The following CHST13 variants were observed in gnomAD, a reference collection of about 807,000 sequenced individuals.
CHST13 encodes C4ST-3.
Under a neutral mutation model 7.0 loss-of-function variants are expected in CHST13, and 1 was observed. The observed-to-expected ratio is 0.14, with a 90% CI of 0.05 to 0.68. CHST13 has a LOEUF of 0.68. Among genes scored for constraint, CHST13 ranks in the 30% least tolerant of loss-of-function variants. The probability of loss-of-function intolerance (pLI) is 0.82; values close to 1 mark genes in which losing one functional copy is unlikely to be tolerated. For missense variants in CHST13, 572 were observed against 507.9 expected, an observed-to-expected ratio of 1.13 and a Z score of -1.21; for synonymous variants, 257 against 240.9, an observed-to-expected ratio of 1.07 and a Z score of -0.62.
intron 1 of CHST13, among the ~76,000 whole-genome samples, chr3:126,532,913 C>T (rs1208168278): frequency 3.3e-5 from 5 of 152,100 alleles, no homozygotes; most frequent in Admixed American, 2.0e-4. Context: ...AATGTCTTTC[C>T]GTTCATTTGG....
intron 1 of CHST13, among the ~76,000 whole-genome samples, chr3:126,526,787 C>T (rs1392782786): frequency 1.3e-5 from 2 of 152,246 alleles, no homozygotes; most frequent in African/African-American, 4.8e-5. Context: ...CTGCCCTCAT[C>T]ACCCCACCCT....
Position 126,542,246 on chromosome 3 carries a change from C to G in CHST13, c.694C>G (p.Leu232Val). 1 of 1,536,744 alleles carries G rather than the reference C, an allele frequency of 6.5e-7. No individual in the cohort carries two copies. The highest frequency in any genetic ancestry group is 8.7e-7 in the Non-Finnish European group (1 of 1,149,000). Residue 232 changes from leucine to valine, a missense_variant, in exon 3 of 3, where the codon CTG becomes GTG. Physicochemically the swap from Leu to Val is conservative, Grantham distance 32. Transcript: ENST00000319340. ...DVRFAEFLAY[L>V]LDPRTRREEP... ...GCGCTTCGCGGAGTTCCTGGCCTAC[C>G]TGCTGGACCCGCGCACGCGGCGTGA...
In CHST13 at chr3:126,541,765, G is replaced by A; in HGVS notation, c.213G>A (p.Arg71=). ...DPRSTLAKVH[R]QRRDLLNSAC... ...GCTCGACCCTGGCGAAGGTGCACCG[G>A]CAGCGGCGCGACCTGCTGAACAGCG... is the stretch of plus-strand genomic sequence containing the variant. The change falls in exon 3 of 3, where the codon CGG becomes CGA. Residue 71 remains arginine (R), a synonymous_variant. Transcript: ENST00000319340. 2 of 1,511,844 alleles carry A rather than the reference G, an allele frequency of 1.3e-6. No homozygotes were observed. Among genetic ancestry groups the A allele is most frequent in the South Asian group, 2.5e-5 (2 of 79,966 alleles). 93.7% of individuals were successfully genotyped at this position (1,511,844 alleles called of 1,614,324 possible).
intron 1 of CHST13, chr3:126,529,207 T>C: frequency 1.2e-6 from 1 of 815,404 alleles, no homozygotes; most frequent in Non-Finnish European, 1.8e-6. Flanking sequence ...GCTGTAGGTT[T>C]CTAGTGTGGT....
chr3:126,530,910 G>C (rs796587904), intron 1 of CHST13, among the ~76,000 whole-genome samples: 8 of 152,378 alleles, frequency 5.3e-5, no homozygotes, highest in African/African-American at 1.9e-4. Flanking sequence ...GGGCCTTACA[G>C]GATGTGGCCT....
rs773365084 is a variant in CHST13, at chr3:126,542,615, C to A, written c.*37C>A. The stretch of plus-strand genomic sequence containing the variant: ...GTCCTGTGGCCACGCGGGGCAAGTG[C>A]CTTTCCGACAAGACCCCCGGGGAAT... On this transcript the variant is annotated 3_prime_UTR_variant, in exon 3 of 3. Coordinates refer to ENST00000319340, the MANE Select transcript of CHST13 (RefSeq NM_152889.3). The A allele has an allele frequency of 1.9e-5, 28 of 1,436,316 alleles. No individual in the cohort carries two copies. In the African/African-American group the frequency reaches 4.0e-4, roughly 21 times the overall value. The allele number at this position is 1,436,316 out of a possible 1,614,324, so 89.0% of individuals were successfully genotyped here.
intron 1 of CHST13, chr3:126,529,278 T>G: frequency 7.9e-7 from 1 of 1,269,656 alleles, no homozygotes; most frequent in South Asian, 1.2e-5. Flanking sequence ...GCGGGTGTCC[T>G]GTGTGCAGCA....
rs762780763 is a variant in CHST13, at chr3:126,541,948, C to T, written c.396C>T (p.Arg132=). The change falls in exon 3 of 3, where the codon CGC becomes CGT. Residue 132 remains arginine (R), a synonymous_variant. Coordinates refer to ENST00000319340, the MANE Select transcript of CHST13 (RefSeq NM_152889.3). ...RVLLALSGQA[R]GDPRAISAQE... ...TGCTGGCGCTGAGCGGCCAAGCCCG[C>T]GGCGACCCGCGCGCCATCTCCGCGC... The T allele has an allele frequency of 4.7e-5, 74 of 1,587,034 alleles. No individual in the cohort carries two copies. The Admixed American group carries it at 1.2e-3, about 25-fold the overall frequency.
At chr3:126,532,271 T>A (rs1333571075) in intron 1 of CHST13, among the ~76,000 whole-genome samples, 3 of 152,252 alleles carry the variant, frequency 2.0e-5, no homozygotes, top group Admixed American at 2.0e-4. Flanking sequence ...AATATTGATG[T>A]AGTTCAATTT....
rs988655628 is a variant in CHST13, at chr3:126,524,307, GTCC to G, written c.-22_-20del. ...CGCCCCCAGCCGTATCCAGCGGACT[GTCC>G]TCCGCCGCGCGCCCGGCACAGCATG... On this transcript the variant is annotated 5_prime_UTR_variant, in exon 1 of 3. Transcript: ENST00000319340. 104 of 1,231,512 alleles carry G rather than the reference GTCC, an allele frequency of 8.4e-5. No homozygotes were observed. Among genetic ancestry groups the G allele is most frequent in the Non-Finnish European group, 9.5e-5 (94 of 987,610 alleles). 76.3% of individuals were successfully genotyped at this position (1,231,512 alleles called of 1,614,324 possible).
chr3:126,529,269 C>T (rs1005031421), intron 1 of CHST13: 4 of 1,242,528 alleles, frequency 3.2e-6, no homozygotes, highest in African/African-American at 1.5e-5. Context: ...ATGACGTGTG[C>T]GGGTGTCCTG....
intron 1 of CHST13, among the ~76,000 whole-genome samples, chr3:126,534,629 T>G (rs1301743219): frequency 2.0e-5 from 3 of 150,522 alleles, no homozygotes; most frequent in Non-Finnish European, 4.4e-5. Flanking sequence ...ACAGACAGCA[T>G]CCCTGTCCTC....
At chr3:126,536,881 TCACACACACACACAAACACACA>T (rs892736198) in intron 2 of CHST13, among the ~76,000 whole-genome samples, 2 of 117,808 alleles carry the variant, frequency 1.7e-5, no homozygotes, top group Non-Finnish European at 3.4e-5. Context: ...TCTCTCTTTC[TCACACACACACACAAACACACA>T]CACACACACA....
intron 1 of CHST13, among the ~76,000 whole-genome samples, chr3:126,528,964 T>C (rs991202018): frequency 1.3e-5 from 2 of 152,230 alleles, no homozygotes; most frequent in African/African-American, 4.8e-5. Flanking sequence ...CGTGGGAACC[T>C]ATGCCTGCTG....
At chr3:126,530,081 G>GC (rs1346427055) in intron 1 of CHST13, among the ~76,000 whole-genome samples, 2 of 152,238 alleles carry the variant, frequency 1.3e-5, no homozygotes, top group Non-Finnish European at 1.5e-5. Flanking sequence ...GCCAAGTCAG[G>GC]ATTGGACCCA....
rs56121932 is a variant in CHST13, at chr3:126,540,996, G to A, written c.181-737G>A. Among the ~76,000 whole-genome samples the A allele has an allele frequency of 3.8e-3, 572 of 152,318 alleles. 3 individuals are homozygous for A. The highest frequency in any genetic ancestry group is 5.7e-3 in the Non-Finnish European group (388 of 68,034). On this transcript the variant is annotated intron_variant, in intron 2 of 2. Coordinates refer to ENST00000319340, the MANE Select transcript of CHST13 (RefSeq NM_152889.3). ...TGTTAATCTTGGAGATAAGAACCCC[G>A]GGTGGGGCAGGAGTGATCTGAAGAA... is the stretch of plus-strand genomic sequence containing the variant.
In CHST13 at chr3:126,541,891, C is replaced by A; in HGVS notation, c.339C>A (p.Pro113=). The A allele has an allele frequency of 6.2e-7, 1 of 1,600,512 alleles. No homozygotes were observed. Among genetic ancestry groups the A allele is most frequent in the Non-Finnish European group, 8.5e-7 (1 of 1,174,132 alleles). ...DAHGLLYCYV[P]KVACTNWKRV... ...ATGGCCTGCTCTACTGCTACGTGCC[C>A]AAGGTGGCCTGCACCAACTGGAAGC... is the stretch of plus-strand genomic sequence containing the variant. The change falls in exon 3 of 3, where the codon CCC becomes CCA. Residue 113 remains proline, a synonymous_variant. Coordinates refer to ENST00000319340, the MANE Select transcript of CHST13 (RefSeq NM_152889.3).
At chr3:126,541,532 G>A (rs1936955696) in intron 2 of CHST13, among the ~76,000 whole-genome samples, 1 of 152,150 alleles carries the variant, frequency 6.6e-6, no homozygotes. Context: ...GTCAGAATCC[G>A]TTTCTCCCAA....
At chr3:126,540,374 G>A (rs1260566132) in intron 2 of CHST13, among the ~76,000 whole-genome samples, 1 of 152,118 alleles carries the variant, frequency 6.6e-6, no homozygotes, top group South Asian at 2.1e-4. Context: ...GCAGCCCAGT[G>A]TCCATCAGCA....
Sources: gnomAD v4.1 joint callset for allele counts (sites outside exome capture counted in the v4.1 genomes callset) on GRCh38, gnomAD v4.1.1 for gene constraint, MANE v1.5 for transcripts, NCBI Gene and HGNC (gene_info 2026-07-23, HGNC 2026-07-21) for gene names.